The following INTS4 variants were observed in gnomAD, a reference collection of about 807,000 sequenced individuals.
INTS4 encodes MSTP093.
Under a neutral mutation model 119.5 loss-of-function variants are expected in INTS4, and 70 were observed. That is an observed-to-expected ratio of 0.59 (90% CI 0.48 to 0.71). The LOEUF is 0.71. INTS4 is among the 30% of genes least tolerant of loss of function. The pLI is 0.00. For synonymous variants in INTS4, 316 were observed against 419.6 expected (o/e 0.75, Z 3.02); for missense variants, 867 against 1,173.2 (o/e 0.74, Z 3.81).
At position 77,884,252 on chromosome 11, in the gene INTS4, C is replaced by T. The variant is rs758960806; in HGVS notation, c.2593-300G>A. On this transcript the variant is annotated intron_variant, in intron 21 of 22. Coordinates refer to ENST00000534064, the MANE Select transcript of INTS4 (RefSeq NM_033547.4). ...TTATTATGAAAAGTGTTCTCAGGCA[C>T]CTTCACCAGAAGAGCACTCCCTCCC... 1.2e-4 allele frequency among the ~76,000 whole-genome samples: 19 copies of T among 152,168 alleles called. 1 individual carries two copies. Among genetic ancestry groups the T allele is most frequent in the Admixed American group, 3.9e-4 (6 of 15,282 alleles).
intron 22 of INTS4, 110 bp downstream of exon 22, chr11:77,883,722 A>G: frequency 1.7e-6 from 2 of 1,159,242 alleles, no homozygotes; most frequent in African/African-American, 1.5e-5. Flanking sequence ...AATTCTTACA[A>G]GGCCTGATTC....
At chr11:77,907,834 G>T in intron 15 of INTS4, 24 bp from the exon 16 acceptor site, 1 of 1,447,834 alleles carries the variant, frequency 6.9e-7, no homozygotes, top group Non-Finnish European at 9.7e-7. Flanking sequence ...AACCCCCAAG[G>T]CAAACACAGG....
At chr11:77,925,551 G>C (rs1953477530) in intron 11 of INTS4, among the ~76,000 whole-genome samples, 1 of 151,976 alleles carries the variant, frequency 6.6e-6, no homozygotes, top group African/African-American at 2.4e-5. Context: ...GAGGAGTGAG[G>C]GAAAAAGTCA....
chr11:77,972,858 G>A (rs1855787443), intron 4 of INTS4, among the ~76,000 whole-genome samples: 1 of 150,086 alleles, frequency 6.7e-6, no homozygotes, highest in African/African-American at 2.5e-5. Flanking sequence ...ATACAGATAG[G>A]GTCTCATTCT....
intron 15 of INTS4, among the ~76,000 whole-genome samples, chr11:77,912,303 C>A (rs886644769): frequency 2.0e-5 from 3 of 150,566 alleles, no homozygotes; most frequent in Admixed American, 6.6e-5. Flanking sequence ...CAGAGGTTGC[C>A]GTGAACCGAG....
At chr11:77,958,427 G>C (rs554953793) in intron 7 of INTS4, among the ~76,000 whole-genome samples, 1 of 152,148 alleles carries the variant, frequency 6.6e-6, no homozygotes, top group African/African-American at 2.4e-5. Context: ...AACTAAAATG[G>C]GTCCCAAACA....
intron 8 of INTS4, among the ~76,000 whole-genome samples, chr11:77,954,940 C>T (rs1277511562): frequency 2.0e-5 from 3 of 152,050 alleles, no homozygotes; most frequent in African/African-American, 7.3e-5. Flanking sequence ...CTCTAGGCTC[C>T]GGCTATCTTA....
chr11:77,898,757 C>T (rs1328247848), intron 18 of INTS4, among the ~76,000 whole-genome samples: 7 of 152,162 alleles, frequency 4.6e-5, no homozygotes, highest in South Asian at 2.1e-4. Context: ...CGGTAGCTCA[C>T]GCCTGGAATC....
Position 77,987,346 on chromosome 11 carries a change from G to A in INTS4, c.246+3762C>T, listed in dbSNP as rs994105109. 4.3e-5 allele frequency: 8 copies of A among 186,256 alleles called. No homozygotes were observed. The Admixed American group carries it at 4.7e-4, about 11-fold the overall frequency. The allele number at this position is 186,256 out of a possible 1,614,324, so 11.5% of individuals were successfully genotyped here. ...AGCTCTAAGCTTAGTTCCATATCTG[G>A]AATTTAGAGATAACAATGGTGCTGT... is the stretch of plus-strand genomic sequence containing the variant. On this transcript the variant is annotated intron_variant, in intron 2 of 22. Coordinates refer to ENST00000534064, the MANE Select transcript of INTS4 (RefSeq NM_033547.4).
At chr11:77,890,931 G>C (rs1353889774) in intron 21 of INTS4, among the ~76,000 whole-genome samples, 1 of 152,130 alleles carries the variant, frequency 6.6e-6, no homozygotes, top group African/African-American at 2.4e-5. Flanking sequence ...TTATCTGCCA[G>C]CCGACTGACT....
chr11:77,924,234 A>AC (rs1953438937), intron 12 of INTS4, among the ~76,000 whole-genome samples: 1 of 148,998 alleles, frequency 6.7e-6, no homozygotes, highest in Non-Finnish European at 1.5e-5. Context: ...ATCTCTACTA[A>AC]AAAAAAAAAC....
chr11:77,882,327 G>A (rs1237232781), intron 22 of INTS4, among the ~76,000 whole-genome samples: 2 of 152,180 alleles, frequency 1.3e-5, no homozygotes, highest in African/African-American at 2.4e-5. Context: ...AAAGAACCTT[G>A]AGCTTGGGGG....
intron 14 of INTS4, 46 bp downstream of exon 14, chr11:77,921,294 A>C (rs1440910494): frequency 6.3e-7 from 1 of 1,599,888 alleles, no homozygotes; most frequent in East Asian, 2.2e-5. Context: ...AAATAACCCT[A>C]CCCCATGCAA....
At chr11:77,902,141 A>G (rs922514371) in intron 17 of INTS4, among the ~76,000 whole-genome samples, 5 of 152,080 alleles carry the variant, frequency 3.3e-5, no homozygotes, top group Admixed American at 1.3e-4. Context: ...CCCAGTGAAC[A>G]CTCTAGGGTC....
At chr11:77,932,350 T>C (rs1398365202) in intron 10 of INTS4, among the ~76,000 whole-genome samples, 1 of 151,924 alleles carries the variant, frequency 6.6e-6, no homozygotes, top group Non-Finnish European at 1.5e-5. Flanking sequence ...ACAAACATAT[T>C]AAAAAAAGCT....
chr11:77,875,839 G>A (rs943213659), downstream of INTS4, among the ~76,000 whole-genome samples: 17 of 152,158 alleles, frequency 1.1e-4, no homozygotes, highest in African/African-American at 3.6e-4. Flanking sequence ...AGGCTCAGCA[G>A]GTCCAAAGGC....
At chr11:77,910,451 G>C (rs1953064846) in intron 15 of INTS4, among the ~76,000 whole-genome samples, 1 of 144,992 alleles carries the variant, frequency 6.9e-6, no homozygotes, top group African/African-American at 2.6e-5. Flanking sequence ...TGTGGGGTGG[G>C]GGAGGGGGGA....
intron 16 of INTS4, among the ~76,000 whole-genome samples, chr11:77,904,120 A>T (rs1484045513): frequency 6.6e-6 from 1 of 152,200 alleles, no homozygotes; most frequent in Non-Finnish European, 1.5e-5. Context: ...ATCTTTCTAC[A>T]TTCAAAACCA....
intron 6 of INTS4, among the ~76,000 whole-genome samples, chr11:77,959,675 T>C (rs1954417463): frequency 6.6e-6 from 1 of 152,122 alleles, no homozygotes; most frequent in Admixed American, 6.6e-5. Flanking sequence ...CTTCATTCAA[T>C]AGAGGAATAA....
Sources: gnomAD v4.1 joint callset for allele counts (sites outside exome capture counted in the v4.1 genomes callset) on GRCh38, gnomAD v4.1.1 for gene constraint, MANE v1.5 for transcripts, NCBI Gene and HGNC (gene_info 2026-07-23, HGNC 2026-07-21) for gene names.